Variants in FAM228B observed in about 807,000 individuals in gnomAD.
FAM228B encodes the protein family with sequence similarity 228 member B.
FAM228B carries 38 observed loss-of-function variants against 42.6 expected under a neutral mutation model. The observed-to-expected ratio is 0.89, with a 90% CI of 0.69 to 1.17. The LOEUF (loss-of-function observed/expected upper bound fraction) is 1.17, where lower values mean the gene tolerates loss of function less well. Ranked by LOEUF, FAM228B falls within the 50% of genes most tolerant of loss-of-function variation. FAM228B has a pLI of 0.00. For synonymous variants in FAM228B, 109 were observed against 122.3 expected, an observed-to-expected ratio of 0.89 and a Z score of 0.72; for missense variants, 344 against 367.3, an observed-to-expected ratio of 0.94 and a Z score of 0.52.
chr2:24,116,032 C>A (rs1217310559), intron 3 of FAM228B, among the ~76,000 whole-genome samples: 4 of 151,854 alleles, frequency 2.6e-5, no homozygotes. Context: ...ATGACCTAGA[C>A]TTAAAACTGA....
chr2:24,104,594 T>A (rs1304225604), intron 3 of FAM228B, among the ~76,000 whole-genome samples: 5 of 151,814 alleles, frequency 3.3e-5, no homozygotes, highest in Admixed American at 6.6e-5. Context: ...TGCTTCTGTG[T>A]GAACTCAGCT....
At chr2:24,107,815 A>G (rs1665725213) in intron 3 of FAM228B, among the ~76,000 whole-genome samples, 1 of 152,228 alleles carries the variant, frequency 6.6e-6, no homozygotes, top group South Asian at 2.1e-4. Context: ...AAATGCCCAC[A>G]TGAAACAGAC....
At chr2:24,105,270 G>C (rs1453577723) in intron 3 of FAM228B, among the ~76,000 whole-genome samples, 2 of 152,224 alleles carry the variant, frequency 1.3e-5, no homozygotes, top group African/African-American at 4.8e-5. Context: ...TTGCCTAAGG[G>C]AGCTCCATGG....
At chr2:24,113,674 C>T (rs1172076874) in intron 3 of FAM228B, among the ~76,000 whole-genome samples, 3 of 152,078 alleles carry the variant, frequency 2.0e-5, no homozygotes, top group African/African-American at 4.8e-5. Context: ...GTCAGGAGTT[C>T]GAGGCCAGCC....
intron 7 of FAM228B, among the ~76,000 whole-genome samples, chr2:24,154,164 C>T (rs1185244369): frequency 2.6e-5 from 4 of 152,258 alleles, no homozygotes; most frequent in Non-Finnish European, 4.4e-5. Flanking sequence ...AAACGAGGTA[C>T]TGTGATTGCT....
chr2:24,109,425 C>T (rs181052219), intron 3 of FAM228B, among the ~76,000 whole-genome samples: 35 of 152,102 alleles, frequency 2.3e-4, no homozygotes, highest in Middle Eastern at 3.4e-3. Flanking sequence ...GCAATTGCAA[C>T]GAAACAAAAA....
intron 3 of FAM228B, among the ~76,000 whole-genome samples, chr2:24,108,325 C>A (rs562435339): frequency 1.3e-5 from 2 of 152,034 alleles, no homozygotes; most frequent in South Asian, 2.1e-4. Context: ...AAAAAAGGTC[C>A]AGGACCAGAG....
intron 9 of FAM228B, 63 bp downstream of exon 9, chr2:24,164,398 G>C: frequency 6.7e-7 from 1 of 1,482,670 alleles, no homozygotes; most frequent in South Asian, 1.3e-5. Flanking sequence ...ACCAAAATCT[G>C]AGCACCTGGG....
chr2:24,125,754 G>A (rs917963093), intron 2 of FAM228B, among the ~76,000 whole-genome samples: 2 of 152,008 alleles, frequency 1.3e-5, no homozygotes, highest in Admixed American at 1.3e-4. Flanking sequence ...GTAGAGACGG[G>A]GTTTCACCAT....
chr2:24,133,004 CT>C (rs1666492163), intron 2 of FAM228B, among the ~76,000 whole-genome samples: 1 of 152,190 alleles, frequency 6.6e-6, no homozygotes, highest in Non-Finnish European at 1.5e-5. Flanking sequence ...TTGGCTCCCT[CT>C]TTTCCAGTAT....
Position 24,169,300 on chromosome 2 carries a change from G to C in FAM228B, c.*15-56G>C. 1 of 442,404 alleles carries C rather than the reference G, an allele frequency of 2.3e-6. No homozygotes were observed. The highest frequency in any genetic ancestry group is 1.6e-5 in the South Asian group (1 of 62,416). 27.4% of individuals were successfully genotyped at this position (442,404 alleles called of 1,614,324 possible). On this transcript the variant is annotated intron_variant, in intron 10 of 10. Coordinates refer to ENST00000615575, the MANE Select transcript of FAM228B (RefSeq NM_001145710.2). This position sits in a 1 kb window ranked among gnomAD's most constrained non-coding sequence, Gnocchi z 4.2. Reference sequence around the variant, plus strand: ...TAGCTGGGGAACGCTTTCTGCTCTCGTAAGCCCCTCATCCCCATACCACAC... The same window carrying C: ...TAGCTGGGGAACGCTTTCTGCTCTCCTAAGCCCCTCATCCCCATACCACAC...
chr2:24,139,453 A>G lies in FAM228B; in HGVS notation c.441+3A>G, dbSNP rs1292270025. 1.3e-6 allele frequency: 2 copies of G among 1,531,692 alleles called. No homozygotes were observed. Among genetic ancestry groups the G allele is most frequent in the East Asian group, 4.9e-5 (2 of 40,636 alleles). 94.9% of individuals were successfully genotyped at this position (1,531,692 alleles called of 1,614,324 possible). A position where few individuals can be genotyped will look rare whatever the true frequency, so the allele number is the denominator to read the frequency against. On this transcript the variant is annotated splice_donor_region_variant and intron_variant, in intron 5 of 10. Coordinates refer to ENST00000615575, the MANE Select transcript of FAM228B (RefSeq NM_001145710.2). ...AGAAGGACCCCAATTTTCTGAAGGT[A>G]GGGTAGATTTCTTTTTTTTAACTTT...
chr2:24,079,524 T>C, intron 1 of FAM228B: 2 of 1,614,210 alleles, frequency 1.2e-6, no homozygotes, highest in Non-Finnish European at 1.7e-6. Flanking sequence ...GGCCCATTGA[T>C]GTCACCTCCT....
intron 2 of FAM228B, among the ~76,000 whole-genome samples, chr2:24,134,347 A>G (rs1666527368): frequency 6.6e-6 from 1 of 152,216 alleles, no homozygotes; most frequent in African/African-American, 2.4e-5. Flanking sequence ...CATTTCTTCT[A>G]TGTATAGAGT....
intron 3 of FAM228B, among the ~76,000 whole-genome samples, chr2:24,113,590 A>C (rs1211505715): frequency 6.6e-6 from 1 of 151,732 alleles, no homozygotes; most frequent in African/African-American, 2.4e-5. Context: ...TAAAAACAAA[A>C]AACAGGCCGG....
At chr2:24,148,534 G>C (rs1666948181) in intron 7 of FAM228B, among the ~76,000 whole-genome samples, 3 of 151,948 alleles carry the variant, frequency 2.0e-5, no homozygotes, top group Non-Finnish European at 4.4e-5. Context: ...CAAGATTTCT[G>C]CTTAGTATAG....
At chr2:24,148,978 G>A (rs536790022) in intron 7 of FAM228B, among the ~76,000 whole-genome samples, 8 of 152,332 alleles carry the variant, frequency 5.3e-5, no homozygotes, top group African/African-American at 1.7e-4. Flanking sequence ...AACATATGAT[G>A]TTTGTCTTTC....
At chr2:24,083,266 T>G in intron 2 of FAM228B, 1 of 1,387,406 alleles carries the variant, frequency 7.2e-7, no homozygotes. Context: ...AATTTCAGAA[T>G]GAAGTCAGGT....
chr2:24,164,242 A>G lies in FAM228B; in HGVS notation c.839A>G (p.Gln280Arg). Residue 280 changes from glutamine (Q) to arginine (R), a missense_variant, in exon 9 of 11, where the codon CAG (glutamine) becomes CGG (arginine). Transcript: ENST00000615575. ...CTAGAAAGAGAACCGCTGTGCTATC[A>G]GGAGGGAAATAATCCAAGTGCCAAA... ...SFLEREPLCY[Q>R]EGNNPSAKEA... is the part of the protein sequence containing the mutation. The G allele has an allele frequency of 6.4e-7, 1 of 1,551,362 alleles. No individual in the cohort carries two copies. The highest frequency in any genetic ancestry group is 8.7e-7 in the Non-Finnish European group (1 of 1,146,764).
Sources: allele counts gnomAD v4.1 joint callset (sites outside exome capture counted in the v4.1 genomes callset), GRCh38; gene constraint gnomAD v4.1.1; non-coding constraint Gnocchi (gnomAD v3.1); transcripts MANE v1.5; gene names NCBI Gene and HGNC (gene_info 2026-07-23, HGNC 2026-07-21).